ARL15: variants seen among roughly 807,000 people sequenced by gnomAD.
The protein encoded by ARL15 is ARF like GTPase 15.
A neutral mutation model predicts 25.2 loss-of-function variants in ARL15; 19 were observed. The observed-to-expected ratio is 0.75, with a 90% CI of 0.53 to 1.10. The LOEUF (loss-of-function observed/expected upper bound fraction) is 1.10. Among genes scored for constraint, ARL15 ranks in the 50% least tolerant of loss-of-function variants. The pLI is 0.00. For synonymous variants in ARL15, 94 were observed against 86.8 expected (o/e 1.08, Z -0.46); for missense variants, 220 against 246.0 (o/e 0.89, Z 0.71).
At chr5:53,901,954 T>C (rs1244530966) in intron 4 of ARL15, among the ~76,000 whole-genome samples, 2 of 152,234 alleles carry the variant, frequency 1.3e-5, no homozygotes, top group Non-Finnish European at 2.9e-5. Flanking sequence ...TAGCCTTTGA[T>C]TCTGCAAAAT....
At chr5:53,997,606 A>G (rs1179399221) in intron 4 of ARL15, among the ~76,000 whole-genome samples, 1 of 152,136 alleles carries the variant, frequency 6.6e-6, no homozygotes, top group Non-Finnish European at 1.5e-5. Flanking sequence ...TAACTGGATA[A>G]AAAGTGTTCT....
In ARL15 at chr5:54,214,607, C is replaced by G. The variant is rs1342214149; in HGVS notation, c.49-42679G>C. On this transcript the variant is annotated intron_variant, in intron 1 of 4. Transcript: ENST00000504924. Reference sequence around the variant, plus strand: ...ACCCTCACTACTAAGCCGCATTACACGAAAATGTGTGAAATGCATTGCTTG... The same window carrying G: ...ACCCTCACTACTAAGCCGCATTACAGGAAAATGTGTGAAATGCATTGCTTG... Among the ~76,000 whole-genome samples the G allele has an allele frequency of 2.0e-5, 3 of 152,080 alleles. No individual in the cohort carries two copies. The South Asian group carries it at 6.2e-4, about 32-fold the overall frequency.
chr5:54,005,099 G>A (rs933307402), intron 4 of ARL15, among the ~76,000 whole-genome samples: 2 of 152,130 alleles, frequency 1.3e-5, no homozygotes, highest in East Asian at 1.9e-4. Flanking sequence ...TGATCCTCCC[G>A]TTTCAGCCTC....
At chr5:54,013,952 C>A (rs1014783644) in intron 4 of ARL15, among the ~76,000 whole-genome samples, 4 of 152,018 alleles carry the variant, frequency 2.6e-5, no homozygotes, top group Non-Finnish European at 4.4e-5. Flanking sequence ...AATAATTGAA[C>A]TCTTTCTCTA....
At chr5:53,964,270 C>A (rs563214229) in intron 4 of ARL15, among the ~76,000 whole-genome samples, 2 of 152,300 alleles carry the variant, frequency 1.3e-5, no homozygotes, top group East Asian at 3.9e-4. Context: ...ATTTCACTTT[C>A]TATTTTCCTT....
chr5:54,229,797 T>C (rs1256830152), intron 1 of ARL15, among the ~76,000 whole-genome samples: 2 of 152,220 alleles, frequency 1.3e-5, no homozygotes, highest in Non-Finnish European at 2.9e-5. Flanking sequence ...AGGGGCTCCC[T>C]CTGGGACATG....
At chr5:54,069,502 T>G (rs1751349422) in intron 4 of ARL15, among the ~76,000 whole-genome samples, 1 of 117,712 alleles carries the variant, frequency 8.5e-6, no homozygotes, top group Admixed American at 1.3e-4. Context: ...ACCTGGGAGG[T>G]GGAGGTTGCA....
chr5:54,272,190 C>T (rs777487384), intron 1 of ARL15, among the ~76,000 whole-genome samples: 9 of 128,892 alleles, frequency 7.0e-5, no homozygotes, highest in East Asian at 2.5e-4. Context: ...GGCCTTAAAG[C>T]GATCCTCCTG....
chr5:54,040,086 T>G (rs1750289366), intron 4 of ARL15, among the ~76,000 whole-genome samples: 1 of 152,202 alleles, frequency 6.6e-6, no homozygotes, highest in South Asian at 2.1e-4. Flanking sequence ...TCTCCTGTAA[T>G]TCACAGAAGA....
intron 4 of ARL15, among the ~76,000 whole-genome samples, chr5:54,017,473 T>C (rs1749460810): frequency 6.6e-6 from 1 of 151,912 alleles, no homozygotes; most frequent in Non-Finnish European, 1.5e-5. Context: ...CTCTAGGCTA[T>C]TATGATAACT....
intron 1 of ARL15, among the ~76,000 whole-genome samples, chr5:54,250,341 G>T (rs958373083): frequency 2.6e-5 from 4 of 152,156 alleles, no homozygotes; most frequent in Admixed American, 1.3e-4. Context: ...ATGAGACTTG[G>T]GGGGACAAAC....
intron 1 of ARL15, among the ~76,000 whole-genome samples, chr5:54,180,371 G>A (rs1414802166): frequency 1.3e-5 from 2 of 152,088 alleles, no homozygotes; most frequent in Non-Finnish European, 2.9e-5. Context: ...GATGTCTTAG[G>A]GTGACTAGTG....
chr5:53,922,834 G>A (rs1561150841), intron 4 of ARL15, among the ~76,000 whole-genome samples: 1 of 128,392 alleles, frequency 7.8e-6, no homozygotes, highest in Non-Finnish European at 1.7e-5. Context: ...AGAAACACAA[G>A]AGAAAAACAA....
chr5:54,282,329 T>C (rs1282038407), intron 1 of ARL15: 1 of 985,332 alleles, frequency 1.0e-6, no homozygotes, highest in Non-Finnish European at 1.2e-6. Flanking sequence ...AGACATTCTC[T>C]ATAAGATTAA....
At chr5:53,914,849 C>T (rs578199847) in intron 4 of ARL15, among the ~76,000 whole-genome samples, 2 of 151,936 alleles carry the variant, frequency 1.3e-5, no homozygotes, top group Non-Finnish European at 2.9e-5. Flanking sequence ...CTCGCTTCTT[C>T]GCCCAGGCTG....
chr5:53,893,540 G>A (rs1453009116), intron 4 of ARL15, among the ~76,000 whole-genome samples: 2 of 152,020 alleles, frequency 1.3e-5, no homozygotes, highest in East Asian at 3.9e-4. Context: ...CCCGGGAGGC[G>A]GAGCTTGCAG....
chr5:54,165,168 T>A (rs1754528510), intron 2 of ARL15, among the ~76,000 whole-genome samples: 1 of 152,214 alleles, frequency 6.6e-6, no homozygotes, highest in African/African-American at 2.4e-5. Context: ...TGTGCTATTG[T>A]TCTCAGGCAT....
intron 1 of ARL15, among the ~76,000 whole-genome samples, chr5:54,220,211 C>T (rs1358891815): frequency 6.6e-6 from 1 of 152,146 alleles, no homozygotes; most frequent in Admixed American, 6.5e-5. Flanking sequence ...TATGTAGACA[C>T]TTGTGGTTGG....
At chr5:54,081,098 T>C (rs1751785019) in intron 4 of ARL15, among the ~76,000 whole-genome samples, 2 of 152,198 alleles carry the variant, frequency 1.3e-5, no homozygotes, top group African/African-American at 4.8e-5. Flanking sequence ...ATAGTCATGT[T>C]GGGTGTTAGG....
Sources: gnomAD v4.1 joint callset for allele counts (sites outside exome capture counted in the v4.1 genomes callset) on GRCh38, gnomAD v4.1.1 for gene constraint, MANE v1.5 for transcripts, NCBI Gene and HGNC (gene_info 2026-07-23, HGNC 2026-07-21) for gene names.